SH3D19: variants seen among roughly 807,000 people sequenced by gnomAD.
The protein encoded by SH3D19 is SH3 domain containing 19, also known as SH3 domain-containing protein 19.
Under a neutral mutation model 112.1 loss-of-function variants are expected in SH3D19, and 58 were observed. The observed-to-expected ratio is 0.52, with a 90% CI of 0.42 to 0.64. SH3D19 has a LOEUF of 0.64. Among genes scored for constraint, SH3D19 ranks in the 30% least tolerant of loss-of-function variants. The pLI, the probability that SH3D19 is intolerant of heterozygous loss-of-function variation, is 0.00. For missense variants in SH3D19, 1,090 were observed against 1,263.4 expected, an observed-to-expected ratio of 0.86 and a Z score of 2.08; for synonymous variants, 391 against 448.5, an observed-to-expected ratio of 0.87 and a Z score of 1.62.
intron 1 of SH3D19, among the ~76,000 whole-genome samples, chr4:151,293,255 G>A (rs1488691244): frequency 1.3e-5 from 2 of 152,064 alleles, no homozygotes; most frequent in African/African-American, 2.4e-5. Context: ...CAGATCACGA[G>A]GTCAGGAGAT....
rs1481195071 is a variant in SH3D19, at chr4:151,127,795, C to T, written c.2930-80G>A. On this transcript the variant is annotated intron_variant, in intron 18 of 19. Transcript: ENST00000604030. ...ATCTAACATTTTTTAAAAAAAAACG[C>T]TTATCGCTCTAAAAACACAGTATCT... The T allele has an allele frequency of 4.0e-6, 3 of 741,500 alleles. No homozygotes were observed. The East Asian group carries it at 9.3e-5, about 23-fold the overall frequency. The allele number at this position is 741,500 out of a possible 1,614,324, so 45.9% of individuals were successfully genotyped here. A position where few individuals can be genotyped will look rare whatever the true frequency, so the allele number is the denominator to read the frequency against.
chr4:151,255,704 G>A (rs556323629), intron 1 of SH3D19, among the ~76,000 whole-genome samples: 3,214 of 152,244 alleles, frequency 0.021, 117 homozygotes, highest in African/African-American at 0.073. Flanking sequence ...GTAGCCAGCC[G>A]AGATCACGCC....
intron 1 of SH3D19, among the ~76,000 whole-genome samples, chr4:151,264,155 G>A (rs566173337): frequency 6.6e-6 from 1 of 152,252 alleles, no homozygotes; most frequent in South Asian, 2.1e-4. Context: ...TCAGCTGGGT[G>A]TAGTGGCTCA....
chr4:151,302,744 G>A (rs1360716087), intron 1 of SH3D19, among the ~76,000 whole-genome samples: 1 of 152,184 alleles, frequency 6.6e-6, no homozygotes, highest in Non-Finnish European at 1.5e-5. Flanking sequence ...TAGCGGGCTA[G>A]TGGGAGGCTG....
At chr4:151,298,322 C>T (rs953179992) in intron 1 of SH3D19, among the ~76,000 whole-genome samples, 5 of 151,294 alleles carry the variant, frequency 3.3e-5, no homozygotes, top group Non-Finnish European at 4.4e-5. Context: ...GGACTACAGG[C>T]ACCCGCCGCC....
chr4:151,254,908 C>T (rs1446759670), intron 1 of SH3D19, among the ~76,000 whole-genome samples: 7 of 148,520 alleles, frequency 4.7e-5, no homozygotes, highest in East Asian at 2.1e-4. Flanking sequence ...CGGGCAGAGG[C>T]GCCCCTCACC....
At position 151,160,225 on chromosome 4, in the gene SH3D19, T is replaced by C. The variant is rs547885565; in HGVS notation, c.1643-873A>G. Among the ~76,000 whole-genome samples, 41 of 152,138 alleles carry C rather than the reference T, an allele frequency of 2.7e-4. No homozygotes were observed. In the South Asian group the frequency reaches 5.0e-3, roughly 18 times the overall value. On this transcript the variant is annotated intron_variant, in intron 8 of 19. Transcript: ENST00000604030. ...CCTCAGCTTCCGGAGTAGCTGGGAC[T>C]ACAGGCACCCGCCACCACGCCTGCC...
chr4:151,277,752 G>A (rs948498237), intron 1 of SH3D19, among the ~76,000 whole-genome samples: 2 of 151,918 alleles, frequency 1.3e-5, no homozygotes, highest in African/African-American at 4.8e-5. Flanking sequence ...TAAAGGAAGG[G>A]TATACTGGCC....
intron 8 of SH3D19, among the ~76,000 whole-genome samples, chr4:151,160,460 A>G (rs72723733): frequency 2.7e-3 from 405 of 152,318 alleles, no homozygotes; most frequent in Non-Finnish European, 4.0e-3. Flanking sequence ...ATACCTTTAC[A>G]TCCAAACCAC....
intron 1 of SH3D19, among the ~76,000 whole-genome samples, chr4:151,247,097 A>G (rs2149973497): frequency 6.6e-6 from 1 of 152,152 alleles, no homozygotes; most frequent in African/African-American, 2.4e-5. Context: ...TTTGTGTATT[A>G]TTTTTCAAAT....
chr4:151,233,752 C>T (rs913803518), intron 1 of SH3D19, among the ~76,000 whole-genome samples: 1 of 152,158 alleles, frequency 6.6e-6, no homozygotes, highest in African/African-American at 2.4e-5. Context: ...CCTAACGCAC[C>T]CTATCTGAAC....
chr4:151,258,536 A>C lies in SH3D19; in HGVS notation c.113-32450T>G, dbSNP rs557778674. Among the ~76,000 whole-genome samples, 5 of 152,330 alleles carry C rather than the reference A, an allele frequency of 3.3e-5. No homozygotes were observed. The East Asian group carries it at 7.7e-4, about 23-fold the overall frequency. ...GACTTGTTCAACACCAGGGTCACTA[A>C]GCACTGAGCGAGCCCTGCTCCTTCC... On this transcript the variant is annotated intron_variant, in intron 1 of 19. Transcript: ENST00000604030.
chr4:151,235,971 AAT>A (rs1770002026), intron 1 of SH3D19, among the ~76,000 whole-genome samples: 1 of 152,142 alleles, frequency 6.6e-6, no homozygotes, highest in African/African-American at 2.4e-5. Context: ...CCACTTCTCA[AAT>A]GAACTGAACT....
intron 1 of SH3D19, among the ~76,000 whole-genome samples, chr4:151,276,498 G>A (rs566886554): frequency 9.9e-5 from 15 of 152,150 alleles, no homozygotes; most frequent in African/African-American, 1.2e-4. Flanking sequence ...CCCTAAGAAC[G>A]CATCCTTCTT....
At chr4:151,230,013 G>C (rs1298514164) in intron 1 of SH3D19, among the ~76,000 whole-genome samples, 1 of 152,242 alleles carries the variant, frequency 6.6e-6, no homozygotes, top group Non-Finnish European at 1.5e-5. Flanking sequence ...GGATGCAATG[G>C]GGGAACCCAT....
At chr4:151,125,656 A>G (rs1334756806) in intron 19 of SH3D19, among the ~76,000 whole-genome samples, 1 of 151,912 alleles carries the variant, frequency 6.6e-6, no homozygotes, top group African/African-American at 2.4e-5. Context: ...GTTTGATTCC[A>G]GCCTGGCCAG....
chr4:151,163,959 C>G (rs954970339), intron 8 of SH3D19, among the ~76,000 whole-genome samples: 9 of 152,092 alleles, frequency 5.9e-5, no homozygotes, highest in Non-Finnish European at 1.0e-4. Context: ...AAACTAGAAC[C>G]AGAATTTGAT....
intron 1 of SH3D19, among the ~76,000 whole-genome samples, chr4:151,250,349 G>C (rs75675366): frequency 0.012 from 1,841 of 152,172 alleles, 36 homozygotes; most frequent in African/African-American, 0.042. Context: ...GAAGGACTTT[G>C]AAAAAAGTTA....
Position 151,237,910 on chromosome 4 carries a change from A to G in SH3D19, c.113-11824T>C, listed in dbSNP as rs192766307. 3.6e-4 allele frequency among the ~76,000 whole-genome samples: 55 copies of G among 152,328 alleles called. No individual in the cohort carries two copies. The East Asian group carries it at 9.1e-3, about 25-fold the overall frequency. ...TAATTTCTAAACCTTCCCTTATTCA[A>G]CGGTTCAGCCTATTTTTCCTTTTCT... On this transcript the variant is annotated intron_variant, in intron 1 of 19. Transcript: ENST00000604030.
Sources: allele counts gnomAD v4.1 joint callset (sites outside exome capture counted in the v4.1 genomes callset), GRCh38; gene constraint gnomAD v4.1.1; transcripts MANE v1.5; gene names NCBI Gene and HGNC (gene_info 2026-07-23, HGNC 2026-07-21).